Variants in HDAC9 observed in about 807,000 individuals in gnomAD.
HDAC9 encodes histone deacetylase 9.
HDAC9 carries 41 observed loss-of-function variants against 139.4 expected under a neutral mutation model. The observed-to-expected ratio is 0.29, with a 90% CI of 0.23 to 0.38. HDAC9 has a LOEUF of 0.38. Among genes scored for constraint, HDAC9 ranks in the 10% least tolerant of loss-of-function variants. HDAC9 has a pLI of 1.00. For synonymous variants in HDAC9, 517 were observed against 476.2 expected, an observed-to-expected ratio of 1.09 and a Z score of -1.12; for missense variants, 1,147 against 1,297.0, an observed-to-expected ratio of 0.88 and a Z score of 1.78.
chr7:18,141,504 G>C (rs1785894873), intron 1 of HDAC9, among the ~76,000 whole-genome samples: 1 of 152,090 alleles, frequency 6.6e-6, no homozygotes, highest in African/African-American at 2.4e-5. Context: ...ATTAAATCTA[G>C]GTGAGGACTA....
At chr7:18,122,097 A>G (rs561438869) in intron 1 of HDAC9, among the ~76,000 whole-genome samples, 1 of 152,222 alleles carries the variant, frequency 6.6e-6, no homozygotes, top group Non-Finnish European at 1.5e-5. Flanking sequence ...CAGTAATTAT[A>G]GTATTGAAAA....
chr7:18,678,025 C>T (rs1414810217), intron 12 of HDAC9, among the ~76,000 whole-genome samples: 15 of 151,920 alleles, frequency 9.9e-5, no homozygotes, highest in South Asian at 6.2e-4. Context: ...TTACAGGATT[C>T]GATTTTTCAG....
At chr7:18,575,071 G>A (rs1360299529) in intron 2 of HDAC9, among the ~76,000 whole-genome samples, 2 of 152,240 alleles carry the variant, frequency 1.3e-5, no homozygotes, top group African/African-American at 4.8e-5. Flanking sequence ...CTTCTGGACA[G>A]GCCAGCCACT....
At chr7:18,278,246 A>G (rs2128218461) in intron 2 of HDAC9, among the ~76,000 whole-genome samples, 1 of 152,320 alleles carries the variant, frequency 6.6e-6, no homozygotes. Context: ...GTACTCAGTG[A>G]CTTTAGAACA....
intron 1 of HDAC9, among the ~76,000 whole-genome samples, chr7:18,113,033 A>G (rs1405903362): frequency 6.6e-6 from 1 of 152,188 alleles, no homozygotes; most frequent in Non-Finnish European, 1.5e-5. Flanking sequence ...AGAAATAGGA[A>G]GAAATAAGAT....
At chr7:18,314,563 G>A (rs1046210750) in intron 1 of HDAC9, among the ~76,000 whole-genome samples, 2 of 152,126 alleles carry the variant, frequency 1.3e-5, no homozygotes, top group Non-Finnish European at 2.9e-5. Context: ...ATCTAGAAGA[G>A]TTTTAGGAGG....
At chr7:18,889,435 G>A (rs1369998824) in intron 22 of HDAC9, among the ~76,000 whole-genome samples, 2 of 141,756 alleles carry the variant, frequency 1.4e-5, no homozygotes, top group Non-Finnish European at 1.6e-5. Context: ...CATGTATGGA[G>A]TGATTTAAAA....
intron 21 of HDAC9, among the ~76,000 whole-genome samples, chr7:18,874,205 G>A (rs949970814): frequency 1.3e-5 from 2 of 150,372 alleles, no homozygotes; most frequent in African/African-American, 4.9e-5. Context: ...TGTGTAATAT[G>A]ATGGGCTTTA....
chr7:18,258,181 T>C (rs1003768654), intron 2 of HDAC9, among the ~76,000 whole-genome samples: 1 of 152,264 alleles, frequency 6.6e-6, no homozygotes, highest in African/African-American at 2.4e-5. Context: ...TAAATTCTTT[T>C]ACTGGTTAAG....
intron 2 of HDAC9, among the ~76,000 whole-genome samples, chr7:18,547,483 C>T (rs1175206156): frequency 6.6e-6 from 1 of 152,220 alleles, no homozygotes; most frequent in Non-Finnish European, 1.5e-5. Context: ...GATCTGCCCT[C>T]CTCGGCCTCC....
intron 2 of HDAC9, among the ~76,000 whole-genome samples, chr7:18,529,371 T>A (rs578145495): frequency 9.9e-5 from 15 of 152,174 alleles, no homozygotes; most frequent in Non-Finnish European, 1.9e-4. Flanking sequence ...AAGCAGCCAA[T>A]AAAAATGGGG....
At chr7:18,957,536 A>G (rs549569520) in intron 24 of HDAC9, among the ~76,000 whole-genome samples, 1 of 152,214 alleles carries the variant, frequency 6.6e-6, no homozygotes, top group South Asian at 2.1e-4. Context: ...CCCCTTTGGC[A>G]GAGAAAGTGG....
chr7:18,819,498 CT>C (rs898016362), intron 17 of HDAC9, among the ~76,000 whole-genome samples: 5 of 150,986 alleles, frequency 3.3e-5, no homozygotes, highest in African/African-American at 4.9e-5. Flanking sequence ...TGATCAGATT[CT>C]TTTTTTTTCA....
chr7:18,468,078 A>G (rs1291765793), intron 1 of HDAC9, among the ~76,000 whole-genome samples: 4 of 152,190 alleles, frequency 2.6e-5, no homozygotes, highest in Non-Finnish European at 5.9e-5. Flanking sequence ...GTACATATCA[A>G]TATGACTTAT....
chr7:18,424,971 CTAT>C (rs1789978805), intron 1 of HDAC9, among the ~76,000 whole-genome samples: 1 of 151,964 alleles, frequency 6.6e-6, no homozygotes, highest in Admixed American at 6.6e-5. Context: ...TCAGAATATT[CTAT>C]TATTGTATAT....
intron 22 of HDAC9, 50 bp from the exon 23 acceptor site, chr7:18,935,759 C>G: frequency 6.5e-7 from 1 of 1,545,272 alleles, no homozygotes; most frequent in Non-Finnish European, 8.9e-7. Flanking sequence ...TTCTAGTGAT[C>G]ACTTTCTCTT....
chr7:18,887,951 A>G (rs1800313181), intron 22 of HDAC9, among the ~76,000 whole-genome samples: 1 of 152,146 alleles, frequency 6.6e-6, no homozygotes, highest in Non-Finnish European at 1.5e-5. Context: ...AGAATTCCTC[A>G]GAATGATAGA....
intron 1 of HDAC9, among the ~76,000 whole-genome samples, chr7:18,314,493 G>A (rs548081276): frequency 6.6e-6 from 1 of 152,314 alleles, no homozygotes; most frequent in South Asian, 2.1e-4. Context: ...GTAAATTGGA[G>A]TGAGGTTTTA....
intron 6 of HDAC9, among the ~76,000 whole-genome samples, chr7:18,595,684 CT>C (rs997940388): frequency 6.6e-6 from 1 of 152,000 alleles, no homozygotes; most frequent in African/African-American, 2.4e-5. Context: ...GACTTCTATC[CT>C]GCTGAGCACA....
Sources: allele counts gnomAD v4.1 joint callset (sites outside exome capture counted in the v4.1 genomes callset), GRCh38; gene constraint gnomAD v4.1.1; transcripts MANE v1.5; gene names NCBI Gene and HGNC (gene_info 2026-07-23, HGNC 2026-07-21).